The following PTPRN2 variants were observed in gnomAD, a reference collection of about 807,000 sequenced individuals.
The protein encoded by PTPRN2 is receptor-type tyrosine-protein phosphatase N2.
A neutral mutation model predicts 118.8 loss-of-function variants in PTPRN2; 74 were observed. That is an observed-to-expected ratio of 0.62 (90% CI 0.52 to 0.76). The LOEUF (loss-of-function observed/expected upper bound fraction) is 0.76. Ranked by LOEUF, PTPRN2 falls within the 30% of genes least tolerant of loss-of-function variation. The probability of loss-of-function intolerance (pLI) is 0.00; values close to 1 mark genes in which losing one functional copy is unlikely to be tolerated. For synonymous variants in PTPRN2, 641 were observed against 608.0 expected (o/e 1.05, Z -0.80); for missense variants, 1,481 against 1,394.4 (o/e 1.06, Z -0.99).
rs149177077 is a variant in PTPRN2, at chr7:158,585,170, G to C, written c.112+2388C>G. Among the ~76,000 whole-genome samples the C allele has an allele frequency of 2.3e-3, 352 of 152,252 alleles. 2 individuals are homozygous for C. The highest frequency in any genetic ancestry group is 8.2e-3 in the African/African-American group (340 of 41,542). On this transcript the variant is annotated intron_variant, in intron 1 of 22. Transcript: ENST00000389418. ...GAAAGAAAAATAGCAGCACCTGCCC[G>C]GCACAGGTAAGAAAGCTTCTCCTTG...
At chr7:158,258,899 C>T (rs530018164) in intron 3 of PTPRN2, among the ~76,000 whole-genome samples, 1 of 152,180 alleles carries the variant, frequency 6.6e-6, no homozygotes, top group African/African-American at 2.4e-5. Context: ...ACTGCGTGGT[C>T]GTGCTGGGTA....
chr7:158,177,017 TG>T, intron 5 of PTPRN2, among the ~76,000 whole-genome samples: 1 of 152,308 alleles, frequency 6.6e-6, no homozygotes, highest in Middle Eastern at 3.4e-3. Flanking sequence ...TGACCACATC[TG>T]GGTGGTGACA....
intron 3 of PTPRN2, among the ~76,000 whole-genome samples, chr7:158,206,855 T>C (rs1282272541): frequency 1.3e-5 from 2 of 151,346 alleles, no homozygotes; most frequent in African/African-American, 4.9e-5. Flanking sequence ...ATGTGCACAT[T>C]GTACAGGTTA....
intron 2 of PTPRN2, among the ~76,000 whole-genome samples, chr7:158,413,550 G>A (rs1318275566): frequency 2.6e-5 from 4 of 152,192 alleles, no homozygotes; most frequent in African/African-American, 9.6e-5. Context: ...AACCTTTTCC[G>A]ACTCCCCTCC....
intron 2 of PTPRN2, among the ~76,000 whole-genome samples, chr7:158,482,801 C>T (rs929884984): frequency 3.9e-5 from 6 of 152,150 alleles, no homozygotes; most frequent in Non-Finnish European, 8.8e-5. Context: ...TTCTGAAGCA[C>T]ACTTTTGGGA....
At chr7:158,053,881 G>A (rs559946485) in intron 11 of PTPRN2, among the ~76,000 whole-genome samples, 1 of 150,598 alleles carries the variant, frequency 6.6e-6, no homozygotes, top group African/African-American at 2.5e-5. Flanking sequence ...CCCCAGAGAT[G>A]CAGAGACCCC....
At chr7:158,279,434 T>G (rs1269991758) in intron 3 of PTPRN2, among the ~76,000 whole-genome samples, 1 of 152,150 alleles carries the variant, frequency 6.6e-6, no homozygotes, top group Non-Finnish European at 1.5e-5. Flanking sequence ...TGCAGGACTT[T>G]GTGGCCCCTA....
At chr7:158,123,944 C>T (rs974468954) in intron 9 of PTPRN2, among the ~76,000 whole-genome samples, 3 of 149,424 alleles carry the variant, frequency 2.0e-5, no homozygotes, top group South Asian at 2.2e-4. Flanking sequence ...GATCCCGTGC[C>T]GACCCAGGCG....
chr7:157,860,476 C>T (rs1021682860), intron 12 of PTPRN2, among the ~76,000 whole-genome samples: 2 of 152,214 alleles, frequency 1.3e-5, no homozygotes, highest in South Asian at 2.1e-4. Flanking sequence ...AAAGAAATGG[C>T]GGAGTTGGCA....
At chr7:157,997,826 C>G (rs77550442) in intron 11 of PTPRN2, among the ~76,000 whole-genome samples, 173 of 16,284 alleles carry the variant, frequency 0.011, 4 homozygotes, top group Middle Eastern at 0.071. Context: ...GATGAGTGCA[C>G]GGGAGAGGAG....
At chr7:158,376,604 C>T (rs1168138793) in intron 2 of PTPRN2, among the ~76,000 whole-genome samples, 18 of 84,484 alleles carry the variant, frequency 2.1e-4, no homozygotes, top group South Asian at 6.2e-4. Flanking sequence ...CCCTGTCACA[C>T]GTCCTGAGAG....
At chr7:157,863,596 G>A (rs1563184573) in intron 12 of PTPRN2, 5 of 152,228 alleles carry the variant, frequency 3.3e-5, no homozygotes. Context: ...TTTAAAAACT[G>A]CAGCGTGGTT....
At chr7:158,417,720 CA>C (rs1814826516) in intron 2 of PTPRN2, among the ~76,000 whole-genome samples, 1 of 65,708 alleles carries the variant, frequency 1.5e-5, no homozygotes. Flanking sequence ...CTCAGTGTCC[CA>C]CTGTGTTAAG....
chr7:158,532,683 G>A (rs1188294983), intron 1 of PTPRN2: 1 of 532,416 alleles, frequency 1.9e-6, no homozygotes, highest in East Asian at 5.5e-5. Context: ...ATGGAACATG[G>A]CAAAAAATAC....
intron 11 of PTPRN2, among the ~76,000 whole-genome samples, chr7:157,975,335 C>T (rs1280764270): frequency 6.6e-6 from 1 of 152,172 alleles, no homozygotes; most frequent in Non-Finnish European, 1.5e-5. Flanking sequence ...CGGATAAGGA[C>T]TGGATGCCAG....
At chr7:157,818,306 G>A (rs867445111) in intron 12 of PTPRN2, among the ~76,000 whole-genome samples, 8 of 152,084 alleles carry the variant, frequency 5.3e-5, no homozygotes, top group South Asian at 2.1e-4. Context: ...GGGAGGGAAG[G>A]TGGAGGCTGC....
chr7:157,819,536 C>T (rs1431441517), intron 12 of PTPRN2, among the ~76,000 whole-genome samples: 4 of 146,068 alleles, frequency 2.7e-5, no homozygotes, highest in Admixed American at 6.8e-5. Context: ...ACACACCGAG[C>T]GGCCACGGCA....
intron 6 of PTPRN2, among the ~76,000 whole-genome samples, chr7:158,140,026 G>T (rs1819226946): frequency 6.6e-6 from 1 of 150,626 alleles, no homozygotes; most frequent in South Asian, 2.1e-4. Flanking sequence ...AGAGCTGCGG[G>T]AGGAGCCAAA....
At chr7:158,548,099 C>T (rs1320236232) in intron 1 of PTPRN2, among the ~76,000 whole-genome samples, 5 of 152,224 alleles carry the variant, frequency 3.3e-5, no homozygotes, top group African/African-American at 4.8e-5. Context: ...AGACTCAAAG[C>T]GGCCAGCAGG....
Sources: gnomAD v4.1 joint callset for allele counts (sites outside exome capture counted in the v4.1 genomes callset) on GRCh38, gnomAD v4.1.1 for gene constraint, MANE v1.5 for transcripts, NCBI Gene and HGNC (gene_info 2026-07-23, HGNC 2026-07-21) for gene names.